UBASH3B: variants seen among roughly 807,000 people sequenced by gnomAD.
UBASH3B encodes the protein ubiquitin-associated and SH3 domain-containing protein B.
In UBASH3B, 37 loss-of-function variants were observed where a neutral mutation model predicts 83.4. The ratio of observed to expected loss-of-function variants is 0.44; its 90% CI spans 0.34 to 0.58. UBASH3B has a LOEUF of 0.58. UBASH3B is among the 20% of genes least tolerant of loss of function. UBASH3B has a pLI of 0.01. For synonymous variants in UBASH3B, 304 were observed against 318.3 expected, an observed-to-expected ratio of 0.96 and a Z score of 0.48; for missense variants, 657 against 827.2, an observed-to-expected ratio of 0.79 and a Z score of 2.52.
rs182802869 is a variant in UBASH3B at position 122,813,381 on chromosome 11, G to A, written c.*3495G>A. ...GGAAAGGCTTCCCTATGTGGTAAAAGAAAGGCATTCCTCCGTAACCTAGGC... is the reference window on the plus strand; with the variant it reads ...GGAAAGGCTTCCCTATGTGGTAAAAAAAAGGCATTCCTCCGTAACCTAGGC... On this transcript the variant is annotated 3_prime_UTR_variant, in exon 14 of 14. Coordinates refer to ENST00000284273, the MANE Select transcript of UBASH3B (RefSeq NM_032873.5). 1.3e-5 allele frequency: 2 copies of A among 152,308 alleles called. No homozygotes were observed. The highest frequency in any genetic ancestry group is 3.4e-3 in the Middle Eastern group (1 of 294). The allele number at this position is 152,308 out of a possible 1,614,324, so 9.4% of individuals were successfully genotyped here. A position where few individuals can be genotyped will look rare whatever the true frequency, so the allele number is the denominator to read the frequency against.
At chr11:122,768,508 G>GTATA (rs3031285) in intron 1 of UBASH3B, among the ~76,000 whole-genome samples, 2,251 of 134,334 alleles carry the variant, frequency 0.017, 32 homozygotes, top group African/African-American at 0.032. Flanking sequence ...GTGTGTGTGT[G>GTATA]TATATATATA....
At chr11:122,676,546 A>G (rs1017442286) in intron 1 of UBASH3B, among the ~76,000 whole-genome samples, 4 of 152,024 alleles carry the variant, frequency 2.6e-5, no homozygotes, top group African/African-American at 9.7e-5. Flanking sequence ...CATCTCAAAA[A>G]AATAATATAT....
intron 1 of UBASH3B, among the ~76,000 whole-genome samples, chr11:122,766,479 A>G (rs1053334029): frequency 1.3e-5 from 2 of 150,342 alleles, no homozygotes; most frequent in African/African-American, 4.9e-5. Flanking sequence ...CGGGAGGCGG[A>G]GCTTGCAGTG....
intron 4 of UBASH3B, among the ~76,000 whole-genome samples, chr11:122,781,495 C>A (rs929384676): frequency 6.6e-6 from 1 of 152,238 alleles, no homozygotes; most frequent in Non-Finnish European, 1.5e-5. Context: ...GCAGTCGAAG[C>A]CCCAGCTTTC....
At chr11:122,706,209 G>T (rs531797067) in intron 1 of UBASH3B, among the ~76,000 whole-genome samples, 27 of 148,780 alleles carry the variant, frequency 1.8e-4, no homozygotes, top group Middle Eastern at 3.5e-3. Flanking sequence ...CTTCACCTCC[G>T]GGTTCAAGCA....
chr11:122,784,316 C>G (rs956707688), intron 5 of UBASH3B, among the ~76,000 whole-genome samples: 11 of 152,150 alleles, frequency 7.2e-5, no homozygotes, highest in Non-Finnish European at 1.3e-4. Context: ...AGAGATGAAG[C>G]AAGAGCCCAT....
intron 8 of UBASH3B, 146 bp from the exon 9 acceptor site, chr11:122,796,764 GC>G: frequency 9.6e-7 from 1 of 1,039,358 alleles, no homozygotes; most frequent in Non-Finnish European, 1.4e-6. Context: ...CAAAATGTCA[GC>G]CTTGATATTT....
chr11:122,757,509 T>C (rs1172410478), intron 1 of UBASH3B, among the ~76,000 whole-genome samples: 1 of 152,164 alleles, frequency 6.6e-6, no homozygotes, highest in African/African-American at 2.4e-5. Flanking sequence ...GAAGACAGCA[T>C]ATACCTGATA....
rs1297777497 is a variant in UBASH3B at position 122,656,005 on chromosome 11, C to T, written c.-45C>T. The T allele has an allele frequency of 1.4e-6, 2 of 1,477,566 alleles. No homozygotes were observed. Among genetic ancestry groups the T allele is most frequent in the African/African-American group, 2.9e-5 (2 of 69,050 alleles). 91.5% of individuals were successfully genotyped at this position (1,477,566 alleles called of 1,614,324 possible). A position where few individuals can be genotyped will look rare whatever the true frequency, so the allele number is the denominator to read the frequency against. Reference sequence around the variant, plus strand: ...CCCGACTCCCTCCTCCTTCCCGAACCATCCGGCTCGGGCTCCTTCCCTGGC... The same window carrying T: ...CCCGACTCCCTCCTCCTTCCCGAACTATCCGGCTCGGGCTCCTTCCCTGGC... On this transcript the variant is annotated 5_prime_UTR_variant, in exon 1 of 14. Coordinates refer to ENST00000284273, the MANE Select transcript of UBASH3B (RefSeq NM_032873.5).
chr11:122,713,935 T>A (rs1215831748), intron 1 of UBASH3B, among the ~76,000 whole-genome samples: 2 of 151,922 alleles, frequency 1.3e-5, no homozygotes, highest in Non-Finnish European at 2.9e-5. Context: ...CACCTCTGGA[T>A]AACTTAAGCA....
At chr11:122,794,374 T>A (rs954670657) in intron 6 of UBASH3B, among the ~76,000 whole-genome samples, 2 of 151,986 alleles carry the variant, frequency 1.3e-5, no homozygotes. Flanking sequence ...CCCAGCTGAT[T>A]TTTTGTATTT....
At chr11:122,796,014 C>T in intron 7 of UBASH3B, 142 bp from the exon 8 acceptor site, 5 of 979,358 alleles carry the variant, frequency 5.1e-6, no homozygotes, top group Non-Finnish European at 7.7e-6. Flanking sequence ...CTTATGAGGT[C>T]TGTAGGACGA....
chr11:122,712,669 C>T (rs1270500500), intron 1 of UBASH3B, among the ~76,000 whole-genome samples: 1 of 152,064 alleles, frequency 6.6e-6, no homozygotes, highest in African/African-American at 2.4e-5. Flanking sequence ...AGGAGAACTC[C>T]ATGGGTTTCA....
intron 1 of UBASH3B, among the ~76,000 whole-genome samples, chr11:122,712,462 G>A (rs938631): frequency 0.7 from 106,412 of 151,538 alleles, 37,594 homozygotes; most frequent in East Asian, 0.83. Flanking sequence ...TTTCTCAGCA[G>A]CCCAAATGGA....
At chr11:122,686,182 A>G (rs1863806335) in intron 1 of UBASH3B, among the ~76,000 whole-genome samples, 1 of 152,214 alleles carries the variant, frequency 6.6e-6, no homozygotes, top group African/African-American at 2.4e-5. Context: ...TTTGGGGAAC[A>G]TGATTATTTG....
chr11:122,812,278 CA>C lies in UBASH3B; in HGVS notation c.*2396del, dbSNP rs1466843324. 3 of 152,196 alleles carry C rather than the reference CA, an allele frequency of 2.0e-5. No individual in the cohort carries two copies. Among genetic ancestry groups the C allele is most frequent in the Non-Finnish European group, 4.4e-5 (3 of 68,036 alleles). 9.4% of individuals were successfully genotyped at this position (152,196 alleles called of 1,614,324 possible). A position where few individuals can be genotyped will look rare whatever the true frequency, so the allele number is the denominator to read the frequency against. ...TTTCAAATTGCTTGTCAAAATGGCC[CA>C]AAAGATCTGAATTCACATTAAGTTC... On this transcript the variant is annotated 3_prime_UTR_variant, in exon 14 of 14. Coordinates refer to ENST00000284273, the MANE Select transcript of UBASH3B (RefSeq NM_032873.5).
chr11:122,799,487 C>CAAA (rs34917484), intron 10 of UBASH3B, among the ~76,000 whole-genome samples: 2 of 107,928 alleles, frequency 1.9e-5, no homozygotes, highest in South Asian at 2.9e-4. Flanking sequence ...AACTCCATCT[C>CAAA]AAAAAAAAAA....
intron 10 of UBASH3B, among the ~76,000 whole-genome samples, chr11:122,800,365 C>G (rs1202573788): frequency 1.4e-5 from 2 of 142,816 alleles, no homozygotes; most frequent in African/African-American, 5.2e-5. Flanking sequence ...CGGTGAAACC[C>G]CATCTCTACT....
intron 1 of UBASH3B, among the ~76,000 whole-genome samples, chr11:122,767,099 G>A (rs1251485105): frequency 6.6e-6 from 1 of 152,038 alleles, no homozygotes; most frequent in African/African-American, 2.4e-5. Context: ...CCAACATGGT[G>A]AAACCGCGTC....
Sources: allele counts gnomAD v4.1 joint callset (sites outside exome capture counted in the v4.1 genomes callset), GRCh38; gene constraint gnomAD v4.1.1; transcripts MANE v1.5; gene names NCBI Gene and HGNC (gene_info 2026-07-23, HGNC 2026-07-21).